EPB41L3: variants seen among roughly 807,000 people sequenced by gnomAD.
EPB41L3 encodes the protein erythrocyte membrane protein band 4.1 like 3, also known as band 4.1-like protein 3.
EPB41L3 carries 57 observed loss-of-function variants against 127.1 expected under a neutral mutation model. The observed-to-expected ratio is 0.45, with a 90% CI of 0.36 to 0.56. The LOEUF is 0.56. Among genes scored for constraint, EPB41L3 ranks in the 20% least tolerant of loss-of-function variants. EPB41L3 has a pLI of 0.00. For missense variants in EPB41L3, 1,273 were observed against 1,372.2 expected (o/e 0.93, Z 1.14); for synonymous variants, 572 against 549.5 (o/e 1.04, Z -0.57).
Position 5,406,956 on chromosome 18 carries a change from T to A in EPB41L3, c.2170A>T (p.Thr724Ser). 1 of 1,614,100 alleles carries A rather than the reference T, an allele frequency of 6.2e-7. No homozygotes were observed. Among genetic ancestry groups the A allele is most frequent in the Non-Finnish European group, 8.5e-7 (1 of 1,179,972 alleles). Residue 724 changes from threonine (T) to serine (S), a missense_variant, in exon 16 of 23, where the codon ACT becomes TCT. Around this residue, in one of 3 missense-constraint regions of EPB41L3, gnomAD observed 765 missense variants for 782.9 expected, o/e 0.98. Transcript: ENST00000341928. ...TGATGTTTCATCAGGTCATCTTGAG[T>A]TTTTTCTAGCTCCTATATTCAGAAC... is the stretch of plus-strand genomic sequence containing the variant. Reference protein sequence around the residue: ...AELKAQELEKTQDDLMKHQTN... With the variant: ...AELKAQELEKSQDDLMKHQTN...
intron 16 of EPB41L3, chr18:5,401,192 G>A (rs141014247): frequency 2.2e-6 from 1 of 446,022 alleles, no homozygotes; most frequent in East Asian, 3.2e-5. Flanking sequence ...CTTCCTGAAG[G>A]AGTAAATTAT....
At chr18:5,498,986 A>C (rs2091473946) in intron 1 of EPB41L3, among the ~76,000 whole-genome samples, 1 of 152,236 alleles carries the variant, frequency 6.6e-6, no homozygotes, top group African/African-American at 2.4e-5. Context: ...TTGTGTCTAA[A>C]ATGCACAGGA....
chr18:5,532,394 A>G (rs900315700), intron 1 of EPB41L3, among the ~76,000 whole-genome samples: 8 of 152,368 alleles, frequency 5.3e-5, no homozygotes, highest in Non-Finnish European at 8.8e-5. Flanking sequence ...AACAGATAAA[A>G]GAACAGAGAA....
At chr18:5,448,617 TG>T (rs925493553) in intron 3 of EPB41L3, among the ~76,000 whole-genome samples, 1 of 152,204 alleles carries the variant, frequency 6.6e-6, no homozygotes, top group African/African-American at 2.4e-5. Flanking sequence ...TTTAAAAAAA[TG>T]GATAGAGGTA....
intron 1 of EPB41L3, among the ~76,000 whole-genome samples, chr18:5,512,422 G>C (rs540661039): frequency 6.6e-6 from 1 of 152,104 alleles, no homozygotes; most frequent in South Asian, 2.1e-4. Context: ...TTGGGTGGGG[G>C]CTGGTGATGG....
intron 3 of EPB41L3, 107 bp downstream of exon 3, chr18:5,478,134 T>C: frequency 1.1e-6 from 1 of 941,258 alleles, no homozygotes; most frequent in Non-Finnish European, 1.6e-6. Context: ...TGGGTTTGAG[T>C]AATTTTCCAG....
At chr18:5,497,566 A>G (rs2091292209) in intron 1 of EPB41L3, among the ~76,000 whole-genome samples, 2 of 152,192 alleles carry the variant, frequency 1.3e-5, no homozygotes, top group African/African-American at 4.8e-5. Flanking sequence ...TATTGTTTCC[A>G]ATAGGCCCTA....
rs542440248 is a variant in EPB41L3, at chr18:5,415,396, C to T, written c.2067+422G>A. 9.2e-5 allele frequency among the ~76,000 whole-genome samples: 14 copies of T among 152,286 alleles called. No individual in the cohort carries two copies. The South Asian group carries it at 1.0e-3, about 11-fold the overall frequency. On this transcript the variant is annotated intron_variant, in intron 13 of 22. Transcript: ENST00000341928. The stretch of plus-strand genomic sequence containing the variant: ...CCAGGTGATGATGATACATCCCCTC[C>T]GGGGATGCACTCTTCCACCTCTCCT...
intron 11 of EPB41L3, chr18:5,420,279 G>A: frequency 3.8e-6 from 1 of 264,250 alleles, no homozygotes; most frequent in Non-Finnish European, 7.3e-6. Flanking sequence ...CAGTCTCGTA[G>A]TGGCCAATTC....
intron 3 of EPB41L3, among the ~76,000 whole-genome samples, chr18:5,560,940 ATTAT>A (rs138212314): frequency 0.16 from 20,537 of 128,986 alleles, 2,559 homozygotes; most frequent in African/African-American, 0.29. Context: ...CATAGTTGTA[ATTAT>A]TTATTTATTT....
chr18:5,411,377 T>C (rs940709217), intron 13 of EPB41L3, among the ~76,000 whole-genome samples: 4 of 152,276 alleles, frequency 2.6e-5, no homozygotes, highest in East Asian at 3.9e-4. Flanking sequence ...AGAAGAAGAA[T>C]TGTTAAAACA....
intron 16 of EPB41L3, among the ~76,000 whole-genome samples, chr18:5,401,610 C>G (rs2074504029): frequency 6.6e-6 from 1 of 152,036 alleles, no homozygotes; most frequent in East Asian, 1.9e-4. Flanking sequence ...AGAAAAAATA[C>G]TCAATGGCTT....
intron 3 of EPB41L3, among the ~76,000 whole-genome samples, chr18:5,451,718 G>A (rs1319625063): frequency 2.0e-5 from 3 of 152,178 alleles, no homozygotes; most frequent in Admixed American, 6.5e-5. Flanking sequence ...CAATGACACC[G>A]AAGCAATGTT....
intron 3 of EPB41L3, among the ~76,000 whole-genome samples, chr18:5,603,731 A>G (rs2094615055): frequency 6.6e-6 from 1 of 152,062 alleles, no homozygotes; most frequent in African/African-American, 2.4e-5. Flanking sequence ...AAAAGGAAAA[A>G]ATAGCCTGGC....
Position 5,606,882 on chromosome 18 carries a change from TTCTCTCTCTCTC to T in EPB41L3, c.-306+5446_-306+5457del, listed in dbSNP as rs59299599. ...CTAACACCTGCCCACCATGGCGTCATTCTCTCTCTCTCTCTCTCTCTCTCTCTCTCTCTGTCT... is the reference window on the plus strand; with the variant it reads ...CTAACACCTGCCCACCATGGCGTCATTCTCTCTCTCTCTCTCTCTCTGTCT... On this transcript the variant is annotated intron_variant, in intron 3 of 21. Transcript: ENST00000545076. 1.3e-4 allele frequency among the ~76,000 whole-genome samples: 18 copies of T among 141,628 alleles called. No homozygotes were observed. In the East Asian group the frequency reaches 1.3e-3, roughly 10 times the overall value. The allele number at this position is 141,628 out of a possible 152,430, so 92.9% of individuals were successfully genotyped here.
chr18:5,493,713 C>G (rs1244045185), intron 1 of EPB41L3, among the ~76,000 whole-genome samples: 1 of 152,148 alleles, frequency 6.6e-6, no homozygotes. Flanking sequence ...TGGTGCCAAG[C>G]TTCTGGAAGG....
rs2073434587 is a variant in EPB41L3 at position 5,396,243 on chromosome 18, T to A, written c.2931A>T (p.Val977=). 1 of 1,614,106 alleles carries A rather than the reference T, an allele frequency of 6.2e-7. No individual in the cohort carries two copies. The highest frequency in any genetic ancestry group is 8.5e-7 in the Non-Finnish European group (1 of 1,180,046). ...KLEISTKEVP[V]VHTETKTITY... ...TGATGGTTTTGGTTTCGGTGTGAAC[T>A]ACTGGCACTTCCTTCGTGGAAATTT... Residue 977 remains valine, a synonymous_variant, in exon 19 of 23, where the codon GTA becomes GTT. Transcript: ENST00000341928.
At chr18:5,546,202 G>A (rs2093878659), upstream of EPB41L3, among the ~76,000 whole-genome samples, 1 of 152,102 alleles carries the variant, frequency 6.6e-6, no homozygotes, top group Non-Finnish European at 1.5e-5. Context: ...TTTCTTGGGA[G>A]AAAAATGTTA....
chr18:5,539,477 G>A (rs2093664413), intron 1 of EPB41L3: 1 of 152,180 alleles, frequency 6.6e-6, no homozygotes, highest in Non-Finnish European at 1.5e-5. Context: ...CAAGTAATCT[G>A]CAGTTCTGGC....
Sources: gnomAD v4.1 joint callset for allele counts (sites outside exome capture counted in the v4.1 genomes callset) on GRCh38, gnomAD v4.1.1 for gene constraint, gnomAD v4.1.1 regional missense constraint, MANE v1.5 for transcripts, NCBI Gene and HGNC (gene_info 2026-07-23, HGNC 2026-07-21) for gene names.